Variants in FER1L5 observed in about 807,000 individuals in gnomAD.
The protein encoded by FER1L5 is fer-1-like protein 5.
Under a neutral mutation model 279.9 loss-of-function variants are expected in FER1L5, and 187 were observed. The observed-to-expected ratio is 0.67, with a 90% CI of 0.59 to 0.75. The LOEUF is 0.75. FER1L5 is among the 30% of genes least tolerant of loss of function. FER1L5 has a pLI of 0.00. For missense variants in FER1L5, 2,091 were observed against 2,594.4 expected, an observed-to-expected ratio of 0.81 and a Z score of 4.21; for synonymous variants, 921 against 989.7, an observed-to-expected ratio of 0.93 and a Z score of 1.30.
intron 42 of FER1L5, 48 bp downstream of exon 42, chr2:96,699,184 C>G: frequency 6.5e-7 from 1 of 1,549,734 alleles, no homozygotes; most frequent in Non-Finnish European, 8.8e-7. Context: ...CTATCCACAC[C>G]ACACTGGAAG....
At position 96,673,156 on chromosome 2, in the gene FER1L5, TC is replaced by T; in HGVS notation, c.1573del (p.His525IlefsTer15). The T allele has an allele frequency of 6.4e-7, 1 of 1,551,520 alleles. No individual in the cohort carries two copies. ...CTMMPNFKEL[I>X]HFEVSIGHYG... ...ATGATGCCCAACTTTAAAGAGCTGA[TC>T]CATTTCGAGGTCAGCATCGGTCACT... On this transcript the variant is annotated frameshift_variant, in exon 19 of 53. Coordinates refer to ENST00000624922, the MANE Select transcript of FER1L5 (RefSeq NM_001293083.2). LOFTEE classifies it high-confidence loss of function.
At position 96,697,622 on chromosome 2, in the gene FER1L5, C is replaced by A. The variant is rs1406823031; in HGVS notation, c.4135-38C>A. 1.9e-6 allele frequency: 3 copies of A among 1,613,588 alleles called. No homozygotes were observed. The African/African-American group carries it at 4.0e-5, about 22-fold the overall frequency. On this transcript the variant is annotated intron_variant, in intron 38 of 52. Transcript: ENST00000624922. The stretch of plus-strand genomic sequence containing the variant: ...TTCAGTGCAGGGAGGTGGGGGGCTG[C>A]CCCTGCCCGAGGCCAGAATGATCCT...
rs924129615 is a variant in FER1L5 at position 96,691,578 on chromosome 2, G to C, written c.3041G>C (p.Gly1014Ala). 2 of 1,544,452 alleles carry C rather than the reference G, an allele frequency of 1.3e-6. No individual in the cohort carries two copies. The highest frequency in any genetic ancestry group is 8.7e-7 in the Non-Finnish European group (1 of 1,143,766). Residue 1014 changes from glycine (G) to alanine (A), a missense_variant, in exon 29 of 53, where the codon GGC becomes GCC. Coordinates refer to ENST00000624922, the MANE Select transcript of FER1L5 (RefSeq NM_001293083.2). This position sits in a 1 kb window ranked among gnomAD's most constrained non-coding sequence, Gnocchi z 6.0. ...RRRLAPNKDK[G>A]IAPIFLLEGS... ...AGGCTGGCCCCCAACAAGGACAAGG[G>C]CATCGCGCCCATATTCCTCCTGGAG...
rs748557057 is a variant in FER1L5 at position 96,699,917 on chromosome 2, T to C, written c.4782-15T>C. 1 of 1,612,716 alleles carries C rather than the reference T, an allele frequency of 6.2e-7. No individual in the cohort carries two copies. Among genetic ancestry groups the C allele is most frequent in the South Asian group, 1.1e-5 (1 of 90,950 alleles). On this transcript the variant is annotated splice_polypyrimidine_tract_variant and intron_variant, in intron 43 of 52. Transcript: ENST00000624922. ...ACCCAAACCTCCAGACCTCTTCCTC[T>C]CACATCCCCCACAGGTCAGGGCCCT...
intron 12 of FER1L5, among the ~76,000 whole-genome samples, 191 bp from the exon 13 acceptor site, chr2:96,662,024 G>C (rs1439000552): frequency 6.6e-6 from 1 of 152,140 alleles, no homozygotes; most frequent in Admixed American, 6.5e-5. Context: ...CAAACTCAAG[G>C]CTCCCTATGT....
intron 14 of FER1L5, among the ~76,000 whole-genome samples, chr2:96,665,171 G>A (rs2076085007): frequency 6.6e-6 from 1 of 152,234 alleles, no homozygotes; most frequent in South Asian, 2.1e-4. Flanking sequence ...GAGAACTTGA[G>A]CTGAGAGATA....
chr2:96,704,373 G>C lies in FER1L5; in HGVS notation c.5949+11G>C. The C allele has an allele frequency of 6.2e-7, 1 of 1,613,674 alleles. No homozygotes were observed. The highest frequency in any genetic ancestry group is 8.5e-7 in the Non-Finnish European group (1 of 1,179,648). On this transcript the variant is annotated intron_variant, in intron 52 of 52. Coordinates refer to ENST00000624922, the MANE Select transcript of FER1L5 (RefSeq NM_001293083.2). ...ATCTATTCAGCTCCGGTGAGTGGCA[G>C]CCATGGGGGCAAGGACAAAGGTGGT... is the stretch of plus-strand genomic sequence containing the variant.
chr2:96,685,824 A>G (rs59648446), intron 21 of FER1L5, 116 bp from the exon 22 acceptor site: 122,348 of 1,279,564 alleles, frequency 0.096, 12,269 homozygotes, highest in African/African-American at 0.5. Context: ...GGCTAGCAGC[A>G]GATGGGGGCA....
chr2:96,670,364 G>A (rs779933502), intron 18 of FER1L5, 117 bp downstream of exon 18: 184 of 1,325,698 alleles, frequency 1.4e-4, no homozygotes, highest in Non-Finnish European at 1.4e-4. Context: ...TGTTGAGTGT[G>A]TAAGGATGCC....
At position 96,689,701 on chromosome 2, in the gene FER1L5, C is replaced by T. The variant is rs1288725773; in HGVS notation, c.2583C>T (p.Asn861=). The T allele has an allele frequency of 1.9e-6, 3 of 1,550,904 alleles. No individual in the cohort carries two copies. Among genetic ancestry groups the T allele is most frequent in the Middle Eastern group, 1.7e-4 (1 of 5,970 alleles). ...AGGTGCTGGAGGAGGTATATGAGAA[C>T]CAGGGCCGTGACACCAGAGGGGCCT... ...KSQVLEEVYE[N]QGRDTRGAWG... is the part of the protein sequence containing the mutation. Residue 861 remains asparagine (N), a synonymous_variant, in exon 26 of 53, where the codon AAC becomes AAT. Coordinates refer to ENST00000624922, the MANE Select transcript of FER1L5 (RefSeq NM_001293083.2). This position sits in a 1 kb window ranked among gnomAD's most constrained non-coding sequence, Gnocchi z 4.6.
At position 96,697,655 on chromosome 2, in the gene FER1L5, G is replaced by A; in HGVS notation, c.4135-5G>A. On this transcript the variant is annotated splice_region_variant and splice_polypyrimidine_tract_variant and intron_variant, in intron 38 of 52. Transcript: ENST00000624922. ...CGAGGCCAGAATGATCCTCTTCTCT[G>A]CCAGGATGAGTATGAGCATGAGGTG... The A allele has an allele frequency of 6.2e-7, 1 of 1,614,026 alleles. No individual in the cohort carries two copies. Among genetic ancestry groups the A allele is most frequent in the Non-Finnish European group, 8.5e-7 (1 of 1,179,886 alleles).
chr2:96,685,535 G>A, intron 21 of FER1L5, 106 bp downstream of exon 21: 3 of 946,380 alleles, frequency 3.2e-6, no homozygotes, highest in South Asian at 3.4e-5. Context: ...CCTCCTCGGG[G>A]AGGAGCACTG....
rs747401878 is a variant in FER1L5, at chr2:96,663,450, C to T, written c.1083C>T (p.His361=). Residue 361 remains histidine, a synonymous_variant, in exon 14 of 53, where the codon CAC becomes CAT. Coordinates refer to ENST00000624922, the MANE Select transcript of FER1L5 (RefSeq NM_001293083.2). The stretch of plus-strand genomic sequence containing the variant: ...TTGGGACATTCCAGCTCAGGACACA[C>T]ATGCAGACCCAAACCGACAACCCGA... ...VELIGEKLRT[H]MQTQTDNPIW... The T allele has an allele frequency of 2.1e-5, 32 of 1,551,638 alleles. 2 individuals are homozygous for T. Among genetic ancestry groups the T allele is most frequent in the Admixed American group, 9.8e-5 (5 of 50,994 alleles).
chr2:96,687,350 G>C (rs1169925174), intron 23 of FER1L5, among the ~76,000 whole-genome samples: 2 of 152,228 alleles, frequency 1.3e-5, no homozygotes, highest in Non-Finnish European at 2.9e-5. Context: ...CATCCCGCAA[G>C]AGCCCCTGAG....
At chr2:96,654,322 G>A (rs2075504870) in intron 8 of FER1L5, 124 bp from the exon 9 acceptor site, 1 of 393,642 alleles carries the variant, frequency 2.5e-6, no homozygotes, top group Non-Finnish European at 4.5e-6. Context: ...GCAAGTGTCT[G>A]CCCCATTAGG....
chr2:96,651,753 C>T (rs1335305990), intron 6 of FER1L5, 139 bp from the exon 7 acceptor site: 1 of 1,228,474 alleles, frequency 8.1e-7, no homozygotes, highest in African/African-American at 1.5e-5. Context: ...GCGATTCTCC[C>T]ACCTCGGCCT....
At chr2:96,649,707 G>T (rs774974090) in intron 5 of FER1L5, 30 bp downstream of exon 5, 1 of 1,550,274 alleles carries the variant, frequency 6.5e-7, no homozygotes. Flanking sequence ...TTACCCTTAA[G>T]GGCCTACCCT....
chr2:96,654,354 G>C (rs985445279), intron 8 of FER1L5, 92 bp from the exon 9 acceptor site: 1 of 397,064 alleles, frequency 2.5e-6, no homozygotes, highest in African/African-American at 2.1e-5. Flanking sequence ...ACGTCAGGAG[G>C]ATCCTGGTTG....
At chr2:96,643,052 G>T (rs982713016) in intron 1 of FER1L5, 131 bp downstream of exon 1, 1 of 716,906 alleles carries the variant, frequency 1.4e-6, no homozygotes, top group East Asian at 3.2e-5. Context: ...AGTAGACGTT[G>T]TCCAGCTCTC....
Sources: allele counts gnomAD v4.1 joint callset (sites outside exome capture counted in the v4.1 genomes callset), GRCh38; gene constraint gnomAD v4.1.1; non-coding constraint Gnocchi (gnomAD v3.1); transcripts MANE v1.5; gene names NCBI Gene and HGNC (gene_info 2026-07-23, HGNC 2026-07-21).